RGS1: variants seen among roughly 807,000 people sequenced by gnomAD.
The protein encoded by RGS1 is B-cell activation protein BL34.
RGS1 carries 11 observed loss-of-function variants against 22.2 expected under a neutral mutation model. That is an observed-to-expected ratio of 0.50 (90% CI 0.31 to 0.82). RGS1 has a LOEUF of 0.82. Ranked by LOEUF, RGS1 falls within the 40% of genes least tolerant of loss-of-function variation. RGS1 has a pLI of 0.04. For synonymous variants in RGS1, 81 were observed against 79.9 expected (o/e 1.01, Z -0.07); for missense variants, 255 against 245.8 (o/e 1.04, Z -0.25).
chr1:192,578,569 C>G (rs1662106329), intron 4 of RGS1, 184 bp downstream of exon 4: 2 of 704,144 alleles, frequency 2.8e-6, no homozygotes, highest in Admixed American at 6.1e-5. Flanking sequence ...AGGGTTTCAG[C>G]ACAGTAGAAT....
At position 192,578,086 on chromosome 1, in the gene RGS1, T is replaced by A. The variant is rs1038172746; in HGVS notation, c.281-136T>A. 1.2e-5 allele frequency: 12 copies of A among 1,016,100 alleles called. No individual in the cohort carries two copies. In the African/African-American group the frequency reaches 1.6e-4, roughly 14 times the overall value. The allele number at this position is 1,016,100 out of a possible 1,614,324, so 62.9% of individuals were successfully genotyped here. A position where few individuals can be genotyped will look rare whatever the true frequency, so the allele number is the denominator to read the frequency against. On this transcript the variant is annotated intron_variant, in intron 3 of 4. Transcript: ENST00000367459. ...TCTCTACAATCTATAACACAGCTAT[T>A]TCAGCAGTAGCTGTCTCTTACCTTT...
chr1:192,578,758 A>C (rs534056825), intron 4 of RGS1: 159 of 380,974 alleles, frequency 4.2e-4, no homozygotes, highest in African/African-American at 3.1e-3. Context: ...TCCAATTAAC[A>C]GTATTACCAG....
chr1:192,576,591 G>C, intron 2 of RGS1, 183 bp from the exon 3 acceptor site: 7 of 603,144 alleles, frequency 1.2e-5, no homozygotes, highest in Non-Finnish European at 1.9e-5. Flanking sequence ...TTATTGGCAG[G>C]TTTTTTTTTT....
chr1:192,579,442 A>G lies in RGS1; in HGVS notation c.*120A>G. On this transcript the variant is annotated 3_prime_UTR_variant, in exon 5 of 5. Transcript: ENST00000367459. ...GTGTCTTGACAGGCCAAGAAGAACAAATGACTCAGAATGGATTAACATGAA... is the reference window on the plus strand; with the variant it reads ...GTGTCTTGACAGGCCAAGAAGAACAGATGACTCAGAATGGATTAACATGAA... 1.2e-6 allele frequency: 1 copy of G among 804,856 alleles called. No individual in the cohort carries two copies. The highest frequency in any genetic ancestry group is 1.8e-5 in the African/African-American group (1 of 56,872). The allele number at this position is 804,856 out of a possible 1,614,324, so 49.9% of individuals were successfully genotyped here. A position where few individuals can be genotyped will look rare whatever the true frequency, so the allele number is the denominator to read the frequency against.
rs541047121 is a variant in RGS1 at position 192,579,394 on chromosome 1, G to A, written c.*72G>A. 5.4e-6 allele frequency: 8 copies of A among 1,472,084 alleles called. No homozygotes were observed. In the South Asian group the frequency reaches 8.7e-5, roughly 16 times the overall value. The allele number at this position is 1,472,084 out of a possible 1,614,324, so 91.2% of individuals were successfully genotyped here. On this transcript the variant is annotated 3_prime_UTR_variant, in exon 5 of 5. Transcript: ENST00000367459. ...GGAATGTGCCAGTATGGCTCCCTGG[G>A]TGAACAGCTTGGCCTTTTTTGGGTG...
chr1:192,578,097 C>T (rs1662095800), intron 3 of RGS1, 125 bp from the exon 4 acceptor site: 5 of 1,111,222 alleles, frequency 4.5e-6, no homozygotes, highest in Admixed American at 2.5e-5. Context: ...TCAGCAGTAG[C>T]TGTCTCTTAC....
intron 4 of RGS1, 37 bp downstream of exon 4, chr1:192,578,422 A>G (rs768631741): frequency 4.5e-5 from 73 of 1,604,708 alleles, no homozygotes; most frequent in Non-Finnish European, 5.8e-5. Flanking sequence ...TTTCTCCATA[A>G]AAGACCCTAT....
rs550749814 is a variant in RGS1 at position 192,576,542 on chromosome 1, A to T, written c.218+177A>T. On this transcript the variant is annotated intron_variant, in intron 2 of 4. Transcript: ENST00000367459. ...GTAAATTGAATACAAATGTGTACAC[A>T]CACATATTGGACTTTATCTATTTGG... 7 of 633,896 alleles carry T rather than the reference A, an allele frequency of 1.1e-5. No individual in the cohort carries two copies. The South Asian group carries it at 1.3e-4, about 12-fold the overall frequency. The allele number at this position is 633,896 out of a possible 1,614,324, so 39.3% of individuals were successfully genotyped here.
intron 3 of RGS1, 105 bp downstream of exon 3, chr1:192,576,940 T>C (rs906452502): frequency 2.4e-5 from 23 of 965,398 alleles, no homozygotes; most frequent in Non-Finnish European, 3.2e-5. Flanking sequence ...CAAAAGGTTG[T>C]ATTCTAGTTT....
Position 192,578,628 on chromosome 1 carries a change from G to A in RGS1, c.444+243G>A, listed in dbSNP as rs966028859. On this transcript the variant is annotated intron_variant, in intron 4 of 4. Transcript: ENST00000367459. ...AGCTGCCATGATGAGGGTGAGGGAA[G>A]GGTTAAGGGTATTGTTACTGACCAG... 8.7e-6 allele frequency: 5 copies of A among 573,690 alleles called. No homozygotes were observed. In the Admixed American group the frequency reaches 1.7e-4, roughly 19 times the overall value. 35.5% of individuals were successfully genotyped at this position (573,690 alleles called of 1,614,324 possible). A position where few individuals can be genotyped will look rare whatever the true frequency, so the allele number is the denominator to read the frequency against.
chr1:192,579,142 T>G lies in RGS1; in HGVS notation c.450T>G (p.Asn150Lys), dbSNP rs1662119697. 1.9e-6 allele frequency: 3 copies of G among 1,610,890 alleles called. No homozygotes were observed. The highest frequency in any genetic ancestry group is 3.4e-5 in the Admixed American group (2 of 59,348). The change falls in exon 5 of 5, where the codon AAT becomes AAG. Residue 150 changes from asparagine to lysine, a missense_variant. Transcript: ENST00000367459. ...FVHSDAAKQI[N>K]IDFRTRESTA... The stretch of plus-strand genomic sequence containing the variant: ...AACAAGGTTTTCTTTTTTAGATCAA[T>G]ATTGACTTCCGCACTCGAGAATCTA...
chr1:192,579,372 A>G lies in RGS1; in HGVS notation c.*50A>G, dbSNP rs376643966. 1.5e-5 allele frequency: 23 copies of G among 1,565,776 alleles called. No individual in the cohort carries two copies. Among genetic ancestry groups the G allele is most frequent in the Non-Finnish European group, 1.9e-5 (22 of 1,146,780 alleles). On this transcript the variant is annotated 3_prime_UTR_variant, in exon 5 of 5. Coordinates refer to ENST00000367459, the MANE Select transcript of RGS1 (RefSeq NM_002922.4). ...ACAGATAGTATCAAGCGCAGAAGGA[A>G]TGTGCCAGTATGGCTCCCTGGGTGA...
At chr1:192,576,524 G>A in intron 2 of RGS1, 159 bp downstream of exon 2, 1 of 636,658 alleles carries the variant, frequency 1.6e-6, no homozygotes, top group Non-Finnish European at 2.7e-6. Flanking sequence ...AATGTAAATT[G>A]AATACAAATG....
chr1:192,577,693 A>G (rs1176789518), intron 3 of RGS1: 1 of 158,516 alleles, frequency 6.3e-6, no homozygotes, highest in Non-Finnish European at 1.4e-5. Flanking sequence ...GATATGGACC[A>G]TAAATGGTGC....
intron 4 of RGS1, 78 bp downstream of exon 4, chr1:192,578,463 A>G: frequency 6.6e-7 from 1 of 1,510,552 alleles, no homozygotes; most frequent in Non-Finnish European, 9.0e-7. Context: ...ATATACAACA[A>G]GATAAAATCC....
chr1:192,579,358 C>A lies in RGS1; in HGVS notation c.*36C>A. 1 of 1,600,624 alleles carries A rather than the reference C, an allele frequency of 6.2e-7. No homozygotes were observed. The highest frequency in any genetic ancestry group is 1.1e-5 in the South Asian group (1 of 89,442). On this transcript the variant is annotated 3_prime_UTR_variant, in exon 5 of 5. Coordinates refer to ENST00000367459, the MANE Select transcript of RGS1 (RefSeq NM_002922.4). ...GCTGAAGGGAATTAACAGATAGTAT[C>A]AAGCGCAGAAGGAATGTGCCAGTAT...
chr1:192,579,209 G>A lies in RGS1; in HGVS notation c.517G>A (p.Glu173Lys). 1.2e-6 allele frequency: 2 copies of A among 1,613,268 alleles called. No homozygotes were observed. The highest frequency in any genetic ancestry group is 1.7e-6 in the Non-Finnish European group (2 of 1,179,492). ...IKAPTPTCFD[E>K]AQKVIYTLME... The stretch of plus-strand genomic sequence containing the variant: ...AGCACCAACCCCCACGTGTTTTGAT[G>A]AAGCACAAAAAGTCATATATACTCT... Residue 173 changes from glutamate to lysine, a missense_variant, in exon 5 of 5, where the codon GAA becomes AAA. Coordinates refer to ENST00000367459, the MANE Select transcript of RGS1 (RefSeq NM_002922.4).
Position 192,576,044 on chromosome 1 carries a change from T to A in RGS1, c.137+115T>A, listed in dbSNP as rs1231882906. ...ATTTAGTTTAGCCAGATCAGAGGAGTTAATTGCCTGTTGTGAGTAATAAGT... is the reference window on the plus strand; with the variant it reads ...ATTTAGTTTAGCCAGATCAGAGGAGATAATTGCCTGTTGTGAGTAATAAGT... On this transcript the variant is annotated intron_variant, in intron 1 of 4. Transcript: ENST00000367459. 4.9e-6 allele frequency: 6 copies of A among 1,233,112 alleles called. No individual in the cohort carries two copies. In the East Asian group the frequency reaches 1.2e-4, roughly 25 times the overall value. The allele number at this position is 1,233,112 out of a possible 1,614,324, so 76.4% of individuals were successfully genotyped here. A position where few individuals can be genotyped will look rare whatever the true frequency, so the allele number is the denominator to read the frequency against.
At chr1:192,578,631 T>C (rs1662107409) in intron 4 of RGS1, 5 of 568,798 alleles carry the variant, frequency 8.8e-6, no homozygotes, top group East Asian at 2.9e-5. Context: ...GAGGGAAGGG[T>C]TAAGGGTATT....
Sources: allele counts gnomAD v4.1 joint callset, GRCh38; gene constraint gnomAD v4.1.1; transcripts MANE v1.5; gene names NCBI Gene and HGNC (gene_info 2026-07-23, HGNC 2026-07-21).